LINGO2: variants seen among roughly 807,000 people sequenced by gnomAD.
LINGO2 encodes leucine rich repeat and Ig domain containing 2, also known as leucine-rich repeat and immunoglobulin-like domain-containing nogo receptor-interacting protein 2.
LINGO2 carries 14 observed loss-of-function variants against 30.6 expected under a neutral mutation model. The observed-to-expected ratio is 0.46, with a 90% CI of 0.30 to 0.72. The LOEUF (loss-of-function observed/expected upper bound fraction) is 0.72, where lower values mean the gene tolerates loss of function less well. Among genes scored for constraint, LINGO2 ranks in the 30% least tolerant of loss-of-function variants. The pLI, the probability that LINGO2 is intolerant of heterozygous loss-of-function variation, is 0.07. For missense variants in LINGO2, 729 were observed against 751.7 expected (o/e 0.97, Z 0.35); for synonymous variants, 317 against 288.5 (o/e 1.10, Z -1.00).
At chr9:28,012,889 A>T (rs566468588) in intron 4 of LINGO2, among the ~76,000 whole-genome samples, 1 of 152,132 alleles carries the variant, frequency 6.6e-6, no homozygotes, top group Non-Finnish European at 1.5e-5. Flanking sequence ...GTTTGTTCTC[A>T]GTCTTTGGAC....
chr9:28,034,594 AAT>A (rs1319163102), intron 4 of LINGO2, among the ~76,000 whole-genome samples: 1 of 152,160 alleles, frequency 6.6e-6, no homozygotes, highest in African/African-American at 2.4e-5. Context: ...AAACGAGGAT[AAT>A]ATCTCTTGGC....
At chr9:28,571,773 T>C (rs1823706758) in intron 1 of LINGO2, among the ~76,000 whole-genome samples, 1 of 152,104 alleles carries the variant, frequency 6.6e-6, no homozygotes, top group Non-Finnish European at 1.5e-5. Context: ...TATTTTTTAA[T>C]GGACATTGTT....
Position 28,366,879 on chromosome 9 carries a change from C to T in LINGO2, c.-246+5957G>A, listed in dbSNP as rs185477807. 4.0e-3 allele frequency among the ~76,000 whole-genome samples: 608 copies of T among 152,022 alleles called. 3 individuals carry two copies. The highest frequency in any genetic ancestry group is 0.014 in the African/African-American group (574 of 41,478). On this transcript the variant is annotated intron_variant, in intron 3 of 5. Transcript: ENST00000379992. ...AAAACATAGTAATAATAATAACCTG[C>T]TTTATTCTTATCAACAGGCTTACTC...
intron 1 of LINGO2, among the ~76,000 whole-genome samples, chr9:28,656,467 A>T (rs986649393): frequency 2.6e-5 from 4 of 152,090 alleles, no homozygotes; most frequent in African/African-American, 9.7e-5. Flanking sequence ...TGATGCAAGG[A>T]GAATATGACT....
At chr9:28,357,878 AT>A (rs1820290948) in intron 3 of LINGO2, among the ~76,000 whole-genome samples, 1 of 152,180 alleles carries the variant, frequency 6.6e-6, no homozygotes, top group African/African-American at 2.4e-5. Flanking sequence ...ATCAATACAT[AT>A]TAGCTACATT....
the LINGO2 span, among the ~76,000 whole-genome samples, chr9:28,911,328 T>C: frequency 3.7e-5 from 4 of 108,050 alleles, no homozygotes; most frequent in African/African-American, 1.1e-4. Context: ...AAAACTCATA[T>C]TGGTAAGCAT....
At chr9:29,144,449 C>T in the LINGO2 span, among the ~76,000 whole-genome samples, 642 of 142,314 alleles carry the variant, frequency 4.5e-3, 2 homozygotes, top group African/African-American at 0.016. Context: ...TGGAATCTGG[C>T]TTATTTTGGA....
At chr9:28,237,780 G>A (rs1357708648) in intron 4 of LINGO2, among the ~76,000 whole-genome samples, 2 of 152,142 alleles carry the variant, frequency 1.3e-5, no homozygotes, top group Non-Finnish European at 2.9e-5. Flanking sequence ...CTTGAACCTA[G>A]GAGGTGGAGG....
At chr9:29,051,320 G>A in the LINGO2 span, among the ~76,000 whole-genome samples, 1 of 152,172 alleles carries the variant, frequency 6.6e-6, no homozygotes, top group South Asian at 2.1e-4. Flanking sequence ...CCAACCTTTG[G>A]TAACAACTGA....
At chr9:28,097,895 A>T (rs1337447244) in intron 4 of LINGO2, among the ~76,000 whole-genome samples, 2 of 152,058 alleles carry the variant, frequency 1.3e-5, no homozygotes, top group Non-Finnish European at 2.9e-5. Context: ...AAGGGAGCTT[A>T]TAGGGAAAGG....
chr9:28,407,309 G>A (rs577936991), intron 2 of LINGO2, among the ~76,000 whole-genome samples: 16 of 152,036 alleles, frequency 1.1e-4, no homozygotes, highest in Admixed American at 9.2e-4. Context: ...TAAGGTTATA[G>A]AAAAAAATCA....
the LINGO2 span, among the ~76,000 whole-genome samples, chr9:28,729,577 T>C: frequency 6.6e-6 from 1 of 151,770 alleles, no homozygotes; most frequent in Non-Finnish European, 1.5e-5. Flanking sequence ...TAACAAAAAG[T>C]GCTCTTTGTA....
intron 3 of LINGO2, among the ~76,000 whole-genome samples, chr9:28,307,156 T>C (rs1824399913): frequency 6.6e-6 from 1 of 152,162 alleles, no homozygotes; most frequent in African/African-American, 2.4e-5. Context: ...ATATCCCTGA[T>C]GAACATTGAT....
At chr9:28,293,386 C>T (rs74531150) in intron 4 of LINGO2, among the ~76,000 whole-genome samples, 7,320 of 152,256 alleles carry the variant, frequency 0.048, 257 homozygotes, top group Non-Finnish European at 0.069. Context: ...GTGTAAGCCA[C>T]TGTACCCAGC....
intron 5 of LINGO2, among the ~76,000 whole-genome samples, chr9:28,010,459 C>A (rs1332300599): frequency 2.0e-5 from 3 of 152,088 alleles, no homozygotes; most frequent in African/African-American, 4.8e-5. Flanking sequence ...ATAATCCCTC[C>A]TTTTTGCTCT....
the LINGO2 span, among the ~76,000 whole-genome samples, chr9:28,842,886 T>C: frequency 1.6e-4 from 25 of 152,034 alleles, no homozygotes; most frequent in Middle Eastern, 3.4e-3. Context: ...TAGGCAATAA[T>C]TATGAAGAAG....
At chr9:28,071,961 TAA>T (rs1166810773) in intron 4 of LINGO2, among the ~76,000 whole-genome samples, 1 of 152,200 alleles carries the variant, frequency 6.6e-6, no homozygotes, top group Non-Finnish European at 1.5e-5. Flanking sequence ...ATACACTATA[TAA>T]GTCTTTAGAC....
At chr9:28,653,679 A>G (rs1239048657) in intron 1 of LINGO2, among the ~76,000 whole-genome samples, 1 of 152,184 alleles carries the variant, frequency 6.6e-6, no homozygotes, top group Non-Finnish European at 1.5e-5. Flanking sequence ...GTCAAATACC[A>G]GAGCATCTTT....
chr9:28,872,189 A>C, the LINGO2 span, among the ~76,000 whole-genome samples: 1 of 152,064 alleles, frequency 6.6e-6, no homozygotes, highest in African/African-American at 2.4e-5. Context: ...GCATGATAAA[A>C]TATCTATTGT....
Sources: gnomAD v4.1 joint callset for allele counts (sites outside exome capture counted in the v4.1 genomes callset) on GRCh38, gnomAD v4.1.1 for gene constraint, MANE v1.5 for transcripts, NCBI Gene and HGNC (gene_info 2026-07-23, HGNC 2026-07-21) for gene names.